Variants in ZNF236 observed in about 807,000 individuals in gnomAD.
ZNF236 encodes regulated by glucose.
In ZNF236, 50 loss-of-function variants were observed where a neutral mutation model predicts 191.2. The ratio of observed to expected loss-of-function variants is 0.26; its 90% CI spans 0.21 to 0.33. The LOEUF is 0.33. ZNF236 is among the 10% of genes least tolerant of loss of function. ZNF236 has a pLI of 1.00. For synonymous variants in ZNF236, 907 were observed against 928.8 expected, an observed-to-expected ratio of 0.98 and a Z score of 0.43; for missense variants, 1,754 against 2,374.5, an observed-to-expected ratio of 0.74 and a Z score of 5.43.
intron 1 of ZNF236, among the ~76,000 whole-genome samples, chr18:76,826,624 G>A (rs1477043265): frequency 2.0e-5 from 3 of 147,892 alleles, no homozygotes; most frequent in Non-Finnish European, 4.5e-5. Context: ...AACCCCAGCC[G>A]TACTAAAAAA....
In ZNF236 at chr18:76,923,142, C is replaced by G; in HGVS notation, c.3629C>G (p.Ser1210Cys). The G allele has an allele frequency of 6.2e-7, 1 of 1,613,804 alleles. No homozygotes were observed. The highest frequency in any genetic ancestry group is 8.5e-7 in the Non-Finnish European group (1 of 1,179,800). The change falls in exon 21 of 31, where the codon TCC becomes TGC. Residue 1210 changes from serine to cysteine, a missense_variant. Physicochemically the swap from Ser to Cys is moderately radical, Grantham distance 112. Around this residue, in one of 5 missense-constraint regions of ZNF236, gnomAD observed 45 missense variants for 137.4 expected, o/e 0.33. Coordinates refer to ENST00000320610, the MANE Select transcript of ZNF236 (RefSeq NM_001306089.2). ...TGTGGAAAGAGTTTTACTGTGAAAT[C>G]CACTCTCGATTGTCATGTGAAGACT... ...DECGKSFTVK[S>C]TLDCHVKTHT...
intron 1 of ZNF236, among the ~76,000 whole-genome samples, chr18:76,832,287 G>A (rs184474112): frequency 5.1e-4 from 78 of 152,170 alleles, no homozygotes; most frequent in Middle Eastern, 3.4e-3. Context: ...CACCATGTTG[G>A]CCAGGCTGGC....
rs1976680687 is a variant in ZNF236, at chr18:76,875,242, C to T, written c.668-250C>T. On this transcript the variant is annotated intron_variant, in intron 5 of 30. Coordinates refer to ENST00000320610, the MANE Select transcript of ZNF236 (RefSeq NM_001306089.2). The surrounding 1 kb of genome is among the most constrained non-coding windows in gnomAD (Gnocchi z 4.3). ...CTGATCCCCTGGAAGGATGGCATTG[C>T]CTGATCCCCTGGAAGGATGGCATTG... 1.3e-5 allele frequency among the ~76,000 whole-genome samples: 2 copies of T among 152,126 alleles called. No homozygotes were observed. The highest frequency in any genetic ancestry group is 4.8e-5 in the African/African-American group (2 of 41,406).
At chr18:76,833,391 T>G (rs1287015043) in intron 1 of ZNF236, among the ~76,000 whole-genome samples, 1 of 152,170 alleles carries the variant, frequency 6.6e-6, no homozygotes, top group Non-Finnish European at 1.5e-5. Flanking sequence ...TCTATTTTGC[T>G]AAGTTTTTTA....
At chr18:76,954,611 C>T (rs1431557417) in intron 27 of ZNF236, among the ~76,000 whole-genome samples, 1 of 152,226 alleles carries the variant, frequency 6.6e-6, no homozygotes, top group African/African-American at 2.4e-5. Context: ...ACACCTGACA[C>T]AGGTGTCATT....
intron 1 of ZNF236, among the ~76,000 whole-genome samples, chr18:76,846,084 A>G (rs1487873810): frequency 6.6e-6 from 1 of 152,078 alleles, no homozygotes; most frequent in Non-Finnish European, 1.5e-5. Flanking sequence ...CCTTTCAGTT[A>G]AAAGCCCTTA....
intron 3 of ZNF236, 129 bp downstream of exon 3, chr18:76,852,068 C>T (rs1315103675): frequency 2.1e-6 from 2 of 971,498 alleles, no homozygotes; most frequent in Non-Finnish European, 2.9e-6. Context: ...AGTGAATTGT[C>T]ATTAGATTTG....
intron 1 of ZNF236, among the ~76,000 whole-genome samples, chr18:76,823,260 T>C (rs1974917181): frequency 1.3e-5 from 2 of 151,126 alleles, no homozygotes; most frequent in Non-Finnish European, 3.0e-5. Context: ...CACAGTGTGC[T>C]CCAGTGTTAT....
chr18:76,868,738 C>T lies in ZNF236; in HGVS notation c.417C>T (p.Ala139=), dbSNP rs368751881. Reference sequence around the variant, plus strand: ...AGTTTACTCTGCAGAGTCAGCTGGCCGTGCACATGGAGGAGCACCGCCAGG... The same window carrying T: ...AGTTTACTCTGCAGAGTCAGCTGGCTGTGCACATGGAGGAGCACCGCCAGG... The part of the protein sequence containing the change: ...GDEFTLQSQL[A]VHMEEHRQEL... The change falls in exon 4 of 31, where the codon GCC becomes GCT. Residue 139 remains alanine, a synonymous_variant. Transcript: ENST00000320610. The T allele has an allele frequency of 4.3e-5, 69 of 1,613,740 alleles. No individual in the cohort carries two copies. Among genetic ancestry groups the T allele is most frequent in the African/African-American group, 5.3e-5 (4 of 74,918 alleles).
intron 26 of ZNF236, among the ~76,000 whole-genome samples, chr18:76,946,414 G>A (rs965034185): frequency 5.3e-5 from 8 of 152,154 alleles, no homozygotes; most frequent in African/African-American, 1.9e-4. Context: ...TATCAGCAGC[G>A]TGAAAACGGA....
At chr18:76,909,190 C>T (rs951840574) in intron 14 of ZNF236, among the ~76,000 whole-genome samples, 1 of 151,850 alleles carries the variant, frequency 6.6e-6, no homozygotes, top group Non-Finnish European at 1.5e-5. Flanking sequence ...TGGTGCATAC[C>T]TGTAATCTCA....
chr18:76,915,173 G>A (rs1407996457), intron 18 of ZNF236, among the ~76,000 whole-genome samples: 1 of 152,136 alleles, frequency 6.6e-6, no homozygotes, highest in Non-Finnish European at 1.5e-5. Flanking sequence ...CTTCTGTATG[G>A]GACTTTATTT....
At chr18:76,868,091 G>A (rs1363444461) in intron 3 of ZNF236, among the ~76,000 whole-genome samples, 1 of 151,908 alleles carries the variant, frequency 6.6e-6, no homozygotes, top group Non-Finnish European at 1.5e-5. Context: ...TTGTATTTTT[G>A]CTCGGAGTCT....
chr18:76,894,375 C>T (rs921901815), intron 9 of ZNF236, among the ~76,000 whole-genome samples: 5 of 152,146 alleles, frequency 3.3e-5, no homozygotes, highest in Non-Finnish European at 7.3e-5. Flanking sequence ...TGGAACCACT[C>T]GGGTCTTGGC....
chr18:76,843,775 CAAAAAAAAAAAAAA>C (rs780026489), intron 1 of ZNF236, among the ~76,000 whole-genome samples: 10 of 8,260 alleles, frequency 1.2e-3, no homozygotes, highest in South Asian at 8.4e-3. Flanking sequence ...GACTCCGTCT[CAAAAAAAAAAAAAA>C]AAAAAAAAAA....
chr18:76,897,315 G>A (rs777653205), intron 10 of ZNF236, among the ~76,000 whole-genome samples: 5 of 151,552 alleles, frequency 3.3e-5, no homozygotes, highest in Non-Finnish European at 7.4e-5. Flanking sequence ...AAACAGTACT[G>A]CACACAGGCA....
rs941171872 is a variant in ZNF236 at position 76,849,506 on chromosome 18, A to G, written c.56-20A>G. ...GAATAACAACTGGTATTTATTGTCTATACTTATGCAATTTTATAGATGGAG... is the reference window on the plus strand; with the variant it reads ...GAATAACAACTGGTATTTATTGTCTGTACTTATGCAATTTTATAGATGGAG... On this transcript the variant is annotated intron_variant, in intron 1 of 30. Coordinates refer to ENST00000320610, the MANE Select transcript of ZNF236 (RefSeq NM_001306089.2). The G allele has an allele frequency of 3.8e-6, 6 of 1,593,786 alleles. No homozygotes were observed. The African/African-American group carries it at 4.1e-5, about 11-fold the overall frequency.
rs560566605 is a variant in ZNF236, at chr18:76,938,885, C to T, written c.4782+1542C>T. Among the ~76,000 whole-genome samples, 10 of 152,364 alleles carry T rather than the reference C, an allele frequency of 6.6e-5. No homozygotes were observed. The East Asian group carries it at 1.5e-3, about 24-fold the overall frequency. The stretch of plus-strand genomic sequence containing the variant: ...TGGGAAGCATAGCTTGCATCTCACT[C>T]AGAGGCATTCCTCCTGAGCTGTGCG... On this transcript the variant is annotated intron_variant, in intron 26 of 30. Coordinates refer to ENST00000320610, the MANE Select transcript of ZNF236 (RefSeq NM_001306089.2).
At chr18:76,935,238 T>C (rs1275050941) in intron 25 of ZNF236, among the ~76,000 whole-genome samples, 5 of 152,244 alleles carry the variant, frequency 3.3e-5, no homozygotes, top group Non-Finnish European at 5.9e-5. Flanking sequence ...TCAATCATAT[T>C]GAGGACAGTT....
Sources: allele counts gnomAD v4.1 joint callset (sites outside exome capture counted in the v4.1 genomes callset), GRCh38; gene constraint gnomAD v4.1.1; regional missense constraint gnomAD v4.1.1; non-coding constraint Gnocchi (gnomAD v3.1); transcripts MANE v1.5; gene names NCBI Gene and HGNC (gene_info 2026-07-23, HGNC 2026-07-21).